The following ZNF316 variants were observed in gnomAD, a reference collection of about 807,000 sequenced individuals.
ZNF316 encodes zinc finger protein 316.
In ZNF316, 23 loss-of-function variants were observed where a neutral mutation model predicts 75.6. The observed-to-expected ratio is 0.30, with a 90% CI of 0.22 to 0.43. ZNF316 has a LOEUF of 0.43. Ranked by LOEUF, ZNF316 falls within the 20% of genes least tolerant of loss-of-function variation. The pLI, the probability that ZNF316 is intolerant of heterozygous loss-of-function variation, is 1.00. For synonymous variants in ZNF316, 827 were observed against 666.2 expected, an observed-to-expected ratio of 1.24 and a Z score of -3.72; for missense variants, 1,266 against 1,409.4, an observed-to-expected ratio of 0.90 and a Z score of 1.63.
At chr7:6,643,556 G>A (rs749289696) in intron 6 of ZNF316, among the ~76,000 whole-genome samples, 17 of 152,214 alleles carry the variant, frequency 1.1e-4, no homozygotes, top group Non-Finnish European at 2.2e-4. Flanking sequence ...GACTGGGGGC[G>A]GGGCTCCCTG....
Position 6,643,810 on chromosome 7 carries a change from C to G in ZNF316, c.466-12C>G. 8.1e-7 allele frequency: 1 copy of G among 1,234,756 alleles called. No individual in the cohort carries two copies. The highest frequency in any genetic ancestry group is 1.0e-6 in the Non-Finnish European group (1 of 989,474). 76.5% of individuals were successfully genotyped at this position (1,234,756 alleles called of 1,614,324 possible). A position where few individuals can be genotyped will look rare whatever the true frequency, so the allele number is the denominator to read the frequency against. On this transcript the variant is annotated splice_polypyrimidine_tract_variant and intron_variant, in intron 6 of 8. Transcript: ENST00000382252. Reference sequence around the variant, plus strand: ...CTCCCTCAGCCTCTCACCTGAGGCTCTGTTTCCCCAGGAGCTGGTGACGTT... The same window carrying G: ...CTCCCTCAGCCTCTCACCTGAGGCTGTGTTTCCCCAGGAGCTGGTGACGTT...
At position 6,639,111 on chromosome 7, in the gene ZNF316, T is replaced by G. The variant is rs1779270159; in HGVS notation, c.-197T>G. 1 of 152,272 alleles carries G rather than the reference T, an allele frequency of 6.6e-6. No individual in the cohort carries two copies. Among genetic ancestry groups the G allele is most frequent in the Admixed American group, 6.5e-5 (1 of 15,270 alleles). The allele number at this position is 152,272 out of a possible 1,614,324, so 9.4% of individuals were successfully genotyped here. On this transcript the variant is annotated 5_prime_UTR_variant, in exon 3 of 9. Transcript: ENST00000382252. This position sits in a 1 kb window ranked among gnomAD's most constrained non-coding sequence, Gnocchi z 4.2. ...TGGGAGAAAGAACTCAGTGTCGTCTTTGGAGGCAGAGACTCTCCACTGCTT... is the reference window on the plus strand; with the variant it reads ...TGGGAGAAAGAACTCAGTGTCGTCTGTGGAGGCAGAGACTCTCCACTGCTT...
intron 7 of ZNF316, 62 bp from the exon 8 acceptor site, chr7:6,644,418 G>A (rs748773262): frequency 5.5e-6 from 5 of 916,242 alleles, no homozygotes; most frequent in Non-Finnish European, 7.1e-6. Context: ...GCACAGCACG[G>A]GCTGCAGGGC....
chr7:6,644,136 G>A (rs914944009), intron 7 of ZNF316, among the ~76,000 whole-genome samples, 188 bp downstream of exon 7: 2 of 152,196 alleles, frequency 1.3e-5, no homozygotes, highest in African/African-American at 4.8e-5. Flanking sequence ...CACTGGCCAG[G>A]CAGCACCCTG....
rs1779302716 is a variant in ZNF316 at position 6,640,980 on chromosome 7, T to G, written c.-166-845T>G. On this transcript the variant is annotated intron_variant, in intron 3 of 8. Transcript: ENST00000382252. The surrounding 1 kb of genome is among the most constrained non-coding windows in gnomAD (Gnocchi z 5.1). ...TGTGAGTGAATGAAACCTTTTTTCT[T>G]TGCCACTTACTCAGCCTCAGGTATT... 1.3e-5 allele frequency among the ~76,000 whole-genome samples: 2 copies of G among 152,224 alleles called. No individual in the cohort carries two copies. The highest frequency in any genetic ancestry group is 2.1e-4 in the South Asian group (1 of 4,830).
rs1779557268 is a variant in ZNF316, at chr7:6,653,535, G to A, written c.1939G>A (p.Gly647Arg). 2.5e-6 allele frequency: 3 copies of A among 1,212,986 alleles called. No homozygotes were observed. The highest frequency in any genetic ancestry group is 3.1e-6 in the Non-Finnish European group (3 of 976,454). 75.1% of individuals were successfully genotyped at this position (1,212,986 alleles called of 1,614,324 possible). The change falls in exon 9 of 9, where the codon GGG becomes AGG. Residue 647 changes from glycine (G) to arginine (R), a missense_variant. By Grantham distance (125) the Gly-to-Arg change is moderately radical (BLOSUM62 -2). This residue lies in a region of ZNF316 where 961 missense variants were observed against 990.9 expected (regional missense o/e 0.97). Coordinates refer to ENST00000382252, the MANE Select transcript of ZNF316 (RefSeq NM_001278559.2). Reference sequence around the variant, plus strand: ...CCCGCTCTCCCTGGTGGAGGGTACCGGGCTGGCGTGCGACCCTTTCGGCGG... The same window carrying A: ...CCCGCTCTCCCTGGTGGAGGGTACCAGGCTGGCGTGCGACCCTTTCGGCGG... ...GGPLSLVEGT[G>R]LACDPFGGGG...
Position 6,642,559 on chromosome 7 carries a change from G to C in ZNF316, c.150G>C (p.Glu50Asp). 1.6e-6 allele frequency: 2 copies of C among 1,221,686 alleles called. No homozygotes were observed. Among genetic ancestry groups the C allele is most frequent in the African/African-American group, 3.1e-5 (2 of 64,272 alleles). The allele number at this position is 1,221,686 out of a possible 1,614,324, so 75.7% of individuals were successfully genotyped here. Residue 50 changes from glutamate to aspartate, a missense_variant, in exon 5 of 9, where the codon GAG (glutamate) becomes GAC (aspartate). Physicochemically the swap from Glu to Asp is conservative, Grantham distance 45 (BLOSUM62 2). Around this residue, in one of 3 missense-constraint regions of ZNF316, gnomAD observed 961 missense variants for 990.9 expected, o/e 0.97. Coordinates refer to ENST00000382252, the MANE Select transcript of ZNF316 (RefSeq NM_001278559.2). The surrounding 1 kb of genome is among the most constrained non-coding windows in gnomAD (Gnocchi z 8.1). ...AGGAGGTGGAAGAAGAGGAGGAGGA[G>C]ATAGTGGTGGAGGAGGAGGAGGAGG... ...EVQEVEEEEE[E>D]IVVEEEEEGV...
In ZNF316 at chr7:6,653,030, G is replaced by A; in HGVS notation, c.1434G>A (p.Val478=). The A allele has an allele frequency of 8.2e-7, 1 of 1,222,914 alleles. No individual in the cohort carries two copies. The highest frequency in any genetic ancestry group is 1.0e-6 in the Non-Finnish European group (1 of 982,294). The allele number at this position is 1,222,914 out of a possible 1,614,324, so 75.8% of individuals were successfully genotyped here. The change falls in exon 9 of 9, where the codon GTG becomes GTA. Residue 478 remains valine, a synonymous_variant. Transcript: ENST00000382252. ...CGGCGCTGGCACGGCACCAGGCGGT[G>A]CACACGGCCGACCGCCCGCACTGCT... ...QSSALARHQA[V]HTADRPHCCP...
At chr7:6,651,380 C>T (rs1204600978) in intron 8 of ZNF316, among the ~76,000 whole-genome samples, 1 of 151,258 alleles carries the variant, frequency 6.6e-6, no homozygotes, top group African/African-American at 2.4e-5. Flanking sequence ...AAAGGCTGGG[C>T]GCGGTGGGTC....
intron 8 of ZNF316, among the ~76,000 whole-genome samples, chr7:6,649,900 G>A (rs948803196): frequency 2.0e-5 from 3 of 152,292 alleles, no homozygotes; most frequent in African/African-American, 7.2e-5. Context: ...TCCCTGCTGC[G>A]ATCAGGATCA....
chr7:6,646,659 A>G (rs1380420281), intron 8 of ZNF316, among the ~76,000 whole-genome samples: 1 of 151,766 alleles, frequency 6.6e-6, no homozygotes. Context: ...CTGAAATGTG[A>G]TCCATAGCCT....
chr7:6,643,124 C>T (rs1779341047), intron 6 of ZNF316, 51 bp downstream of exon 6: 7 of 1,231,966 alleles, frequency 5.7e-6, no homozygotes, highest in African/African-American at 1.6e-5. Flanking sequence ...AGGGTTTCCC[C>T]CGGGGCCTCG....
chr7:6,650,794 AT>A (rs1779494228), intron 8 of ZNF316, among the ~76,000 whole-genome samples: 1 of 152,196 alleles, frequency 6.6e-6, no homozygotes, highest in African/African-American at 2.4e-5. Flanking sequence ...AGGAGGGTCC[AT>A]GAAGGTGCCT....
rs1031689147 is a variant in ZNF316, at chr7:6,639,462, C to T, written c.-167+321C>T. ...AGGGAAGAATTACAGGGAACTGTGT[C>T]ACCCACTGGGGCCCAGGGGGCTGCC... On this transcript the variant is annotated intron_variant, in intron 3 of 8. Coordinates refer to ENST00000382252, the MANE Select transcript of ZNF316 (RefSeq NM_001278559.2). This position sits in a 1 kb window ranked among gnomAD's most constrained non-coding sequence, Gnocchi z 4.2. Among the ~76,000 whole-genome samples, 69 of 152,140 alleles carry T rather than the reference C, an allele frequency of 4.5e-4. No individual in the cohort carries two copies. The highest frequency in any genetic ancestry group is 1.4e-3 in the African/African-American group (59 of 41,420).
Position 6,653,057 on chromosome 7 carries a change from T to C in ZNF316, c.1461T>C (p.Cys487=), listed in dbSNP as rs1277593154. Residue 487 remains cysteine (C), a synonymous_variant, in exon 9 of 9, where the codon TGT becomes TGC. Coordinates refer to ENST00000382252, the MANE Select transcript of ZNF316 (RefSeq NM_001278559.2). ...ACACGGCCGACCGCCCGCACTGCTG[T>C]CCCGACTGCGGCCAGGCCTTCCGCC... ...AVHTADRPHC[C]PDCGQAFRLR... The C allele has an allele frequency of 8.2e-7, 1 of 1,213,956 alleles. No individual in the cohort carries two copies. Among genetic ancestry groups the C allele is most frequent in the East Asian group, 3.4e-5 (1 of 29,596 alleles). 75.2% of individuals were successfully genotyped at this position (1,213,956 alleles called of 1,614,324 possible).
intron 8 of ZNF316, among the ~76,000 whole-genome samples, chr7:6,646,373 C>T (rs752550992): frequency 1.1e-4 from 17 of 152,194 alleles, no homozygotes; most frequent in East Asian, 3.9e-4. Flanking sequence ...CACAGACCTG[C>T]GGGGCCCGTC....
At chr7:6,641,028 G>A (rs754753029) in intron 3 of ZNF316, among the ~76,000 whole-genome samples, 1 of 152,320 alleles carries the variant, frequency 6.6e-6, no homozygotes, top group South Asian at 2.1e-4. Flanking sequence ...TGCAGAAATG[G>A]CCTAACACAG....
Position 6,639,960 on chromosome 7 carries a change from G to C in ZNF316, c.-167+819G>C, listed in dbSNP as rs1041324913. Among the ~76,000 whole-genome samples, 1 of 152,128 alleles carries C rather than the reference G, an allele frequency of 6.6e-6. No individual in the cohort carries two copies. Among genetic ancestry groups the C allele is most frequent in the Non-Finnish European group, 1.5e-5 (1 of 68,012 alleles). ...GGGAGAGGCTGGAGGTTGGGGTGGC[G>C]CTCCCAGGCGTAGTTCTGTGACTTG... On this transcript the variant is annotated intron_variant, in intron 3 of 8. Coordinates refer to ENST00000382252, the MANE Select transcript of ZNF316 (RefSeq NM_001278559.2). The surrounding 1 kb of genome is among the most constrained non-coding windows in gnomAD (Gnocchi z 4.2).
At position 6,654,712 on chromosome 7, in the gene ZNF316, G is replaced by C; in HGVS notation, c.*101G>C. 7.8e-6 allele frequency: 8 copies of C among 1,026,554 alleles called. No homozygotes were observed. The highest frequency in any genetic ancestry group is 9.6e-6 in the Non-Finnish European group (8 of 829,754). 63.6% of individuals were successfully genotyped at this position (1,026,554 alleles called of 1,614,324 possible). ...GGGCCCCGGGAGGCTGAGGGTCCCA[G>C]TCCTGGGTGCGGTGCCTTCCCTCAG... On this transcript the variant is annotated 3_prime_UTR_variant, in exon 9 of 9. Transcript: ENST00000382252.
Sources: allele counts gnomAD v4.1 joint callset (sites outside exome capture counted in the v4.1 genomes callset), GRCh38; gene constraint gnomAD v4.1.1; regional missense constraint gnomAD v4.1.1; non-coding constraint Gnocchi (gnomAD v3.1); transcripts MANE v1.5; gene names NCBI Gene and HGNC (gene_info 2026-07-23, HGNC 2026-07-21).